COL6A6: variants seen among roughly 807,000 people sequenced by gnomAD.
COL6A6 encodes the protein collagen alpha-6(VI) chain.
In COL6A6, 183 loss-of-function variants were observed where a neutral mutation model predicts 208.6. The observed-to-expected ratio is 0.88, with a 90% CI of 0.78 to 0.99. COL6A6 has a LOEUF of 0.99. COL6A6 is among the 50% of genes least tolerant of loss of function. The pLI is 0.00. For missense variants in COL6A6, 2,816 were observed against 2,815.2 expected (o/e 1.00, Z -0.01); for synonymous variants, 973 against 1,011.8 (o/e 0.96, Z 0.73).
intron 16 of COL6A6, 24 bp downstream of exon 16, chr3:130,593,129 G>A: frequency 6.2e-7 from 1 of 1,612,800 alleles, no homozygotes; most frequent in Non-Finnish European, 8.5e-7. Flanking sequence ...GTACCATAGA[G>A]ACCCTTCTGA....
intron 23 of COL6A6, among the ~76,000 whole-genome samples, chr3:130,620,334 A>C (rs2064673414): frequency 1.3e-5 from 2 of 152,194 alleles, no homozygotes; most frequent in Admixed American, 1.3e-4. Flanking sequence ...TTTAAGAGGC[A>C]AATAGAATAA....
chr3:130,552,955 G>A (rs1454084342), intron 1 of COL6A6, among the ~76,000 whole-genome samples: 2 of 152,200 alleles, frequency 1.3e-5, no homozygotes, highest in Admixed American at 6.5e-5. Context: ...CTTTAAGAAT[G>A]CTGAATAATA....
At position 130,661,777 on chromosome 3, in the gene COL6A6, C is replaced by T. The variant is rs370009976; in HGVS notation, c.5971C>T (p.Leu1991=). ...AGACATAAGAGCCTTCCTTGGAGCACTATTAGATCACTTTGAAATCACCCC... is the reference window on the plus strand; with the variant it reads ...AGACATAAGAGCCTTCCTTGGAGCATTATTAGATCACTTTGAAATCACCCC... ...FEDIRAFLGA[L]LDHFEITPEP... Residue 1991 remains leucine, a synonymous_variant, in exon 35 of 37, where the codon CTA becomes TTA. Coordinates refer to ENST00000358511, the MANE Select transcript of COL6A6 (RefSeq NM_001102608.3). 11 of 1,613,838 alleles carry T rather than the reference C, an allele frequency of 6.8e-6. No individual in the cohort carries two copies. The African/African-American group carries it at 1.1e-4, about 16-fold the overall frequency.
chr3:130,663,992 T>C (rs2066004750), intron 35 of COL6A6, among the ~76,000 whole-genome samples: 1 of 152,174 alleles, frequency 6.6e-6, no homozygotes. Context: ...CATTAACATA[T>C]ATTTACTGGG....
chr3:130,573,708 A>G (rs931081331), intron 7 of COL6A6, among the ~76,000 whole-genome samples: 4 of 151,694 alleles, frequency 2.6e-5, no homozygotes, highest in African/African-American at 7.3e-5. Flanking sequence ...CTGGGACCAC[A>G]GGCAGCCACT....
rs146803430 is a variant in COL6A6, at chr3:130,618,404, A to G, written c.4816-3417A>G. Among the ~76,000 whole-genome samples the G allele has an allele frequency of 1.9e-4, 29 of 152,354 alleles. 1 individual carries two copies. The highest frequency in any genetic ancestry group is 4.6e-4 in the Admixed American group (7 of 15,298). The stretch of plus-strand genomic sequence containing the variant: ...TGCCTTGCACAAAATATGAATGCTC[A>G]ATAAAAGGCAGCCATTACATCAAAG... On this transcript the variant is annotated intron_variant, in intron 23 of 36. Transcript: ENST00000358511.
chr3:130,612,933 G>GAT (rs1457986710), intron 23 of COL6A6, among the ~76,000 whole-genome samples: 1 of 152,112 alleles, frequency 6.6e-6, no homozygotes, highest in African/African-American at 2.4e-5. Context: ...ACATTTGTTG[G>GAT]ATATATAGTT....
Position 130,571,076 on chromosome 3 carries a change from A to G in COL6A6, c.2660A>G (p.Tyr887Cys). The change falls in exon 7 of 37, where the codon TAT becomes TGT. Residue 887 changes from tyrosine (Y) to cysteine (C), a missense_variant. By Grantham distance (194) the Tyr-to-Cys change is radical. Coordinates refer to ENST00000358511, the MANE Select transcript of COL6A6 (RefSeq NM_001102608.3). ...GACCAAGCCATGGGTGGCAGTACTT[A>G]TACTGCTGAGGCACTGGGCTTCTCA... ...QNDQAMGGST[Y>C]TAEALGFSDH... 1 of 1,613,904 alleles carries G rather than the reference A, an allele frequency of 6.2e-7. No individual in the cohort carries two copies. Among genetic ancestry groups the G allele is most frequent in the Non-Finnish European group, 8.5e-7 (1 of 1,179,802 alleles).
At chr3:130,527,302 C>T (rs2061981550) in intron 1 of COL6A6, among the ~76,000 whole-genome samples, 1 of 152,182 alleles carries the variant, frequency 6.6e-6, no homozygotes, top group African/African-American at 2.4e-5. Context: ...CTAATCTTGA[C>T]TCACTATTGG....
At chr3:130,652,469 T>C in intron 33 of COL6A6, among the ~76,000 whole-genome samples, 1 of 152,320 alleles carries the variant, frequency 6.6e-6, no homozygotes, top group East Asian at 1.9e-4. Flanking sequence ...CCAAGTTTCA[T>C]CCAACAGATG....
At chr3:130,535,617 C>G (rs1206854945) in intron 1 of COL6A6, among the ~76,000 whole-genome samples, 3 of 151,868 alleles carry the variant, frequency 2.0e-5, no homozygotes, top group Non-Finnish European at 4.4e-5. Flanking sequence ...TTGAGAGATT[C>G]CTATGCACCT....
At chr3:130,548,267 G>A (rs139323453) in intron 1 of COL6A6, among the ~76,000 whole-genome samples, 1 of 152,302 alleles carries the variant, frequency 6.6e-6, no homozygotes, top group Non-Finnish European at 1.5e-5. Flanking sequence ...GCAGTCAATA[G>A]GCCTTTGGTA....
intron 10 of COL6A6, among the ~76,000 whole-genome samples, chr3:130,586,230 CTT>C (rs1345086950): frequency 1.3e-5 from 2 of 152,202 alleles, no homozygotes; most frequent in Non-Finnish European, 2.9e-5. Context: ...CTCTGTAGAT[CTT>C]TTAGAACTGT....
At chr3:130,567,523 A>AT (rs752423121) in intron 5 of COL6A6, among the ~76,000 whole-genome samples, 60 of 152,204 alleles carry the variant, frequency 3.9e-4, no homozygotes, top group Non-Finnish European at 8.2e-4. Context: ...GCCAGGATAG[A>AT]TATATGAGTG....
chr3:130,604,236 G>A (rs1455150079), intron 20 of COL6A6, among the ~76,000 whole-genome samples: 3 of 152,208 alleles, frequency 2.0e-5, no homozygotes, highest in Non-Finnish European at 1.5e-5. Context: ...GCTCACGCCT[G>A]TAATCCCAGC....
At chr3:130,588,786 C>T (rs539405689) in intron 11 of COL6A6, among the ~76,000 whole-genome samples, 17 of 152,142 alleles carry the variant, frequency 1.1e-4, no homozygotes, top group African/African-American at 3.6e-4. Flanking sequence ...GACAGACAAC[C>T]ACATCAGTTG....
chr3:130,649,438 T>C lies in COL6A6; in HGVS notation c.5609T>C (p.Phe1870Ser). 3 of 1,612,994 alleles carry C rather than the reference T, an allele frequency of 1.9e-6. No individual in the cohort carries two copies. Among genetic ancestry groups the C allele is most frequent in the Non-Finnish European group, 2.5e-6 (3 of 1,179,570 alleles). Reference sequence around the variant, plus strand: ...CACACGAGAAAAATCGCCACATTTTTCAGCAGCGGTCAGTCCGCGGATGCC... The same window carrying C: ...CACACGAGAAAAATCGCCACATTTTCCAGCAGCGGTCAGTCCGCGGATGCC... ...GAHTRKIATF[F>S]SSGQSADAHS... The change falls in exon 33 of 37, where the codon TTC (phenylalanine) becomes TCC (serine). Residue 1870 changes from phenylalanine (F) to serine (S), a missense_variant. Physicochemically the swap from Phe to Ser is radical, Grantham distance 155. Coordinates refer to ENST00000358511, the MANE Select transcript of COL6A6 (RefSeq NM_001102608.3).
At chr3:130,527,166 T>G (rs1296414449) in intron 1 of COL6A6, among the ~76,000 whole-genome samples, 1 of 152,232 alleles carries the variant, frequency 6.6e-6, no homozygotes, top group Non-Finnish European at 1.5e-5. Context: ...CTAGTCTGTT[T>G]AGCTTGGCAC....
chr3:130,645,142 A>AG, intron 32 of COL6A6, 140 bp downstream of exon 32: 1 of 792,384 alleles, frequency 1.3e-6, no homozygotes. Flanking sequence ...TCATACTGGT[A>AG]GCAGAGTCTT....
Sources: gnomAD v4.1 joint callset for allele counts (sites outside exome capture counted in the v4.1 genomes callset) on GRCh38, gnomAD v4.1.1 for gene constraint, MANE v1.5 for transcripts, NCBI Gene and HGNC (gene_info 2026-07-23, HGNC 2026-07-21) for gene names.